MAOA: variants seen among roughly 807,000 people sequenced by gnomAD.
MAOA encodes amine oxidase [flavin-containing] A.
Under a neutral mutation model 42.0 loss-of-function variants are expected in MAOA, and 6 were observed. The ratio of observed to expected loss-of-function variants is 0.14; its 90% CI spans 0.08 to 0.28. The LOEUF (loss-of-function observed/expected upper bound fraction) is 0.28. Among genes scored for constraint, MAOA ranks in the 10% least tolerant of loss-of-function variants. The pLI, the probability that MAOA is intolerant of heterozygous loss-of-function variation, is 1.00. For missense variants in MAOA, 262 were observed against 422.3 expected (o/e 0.62, Z 3.33); for synonymous variants, 140 against 154.0 (o/e 0.91, Z 0.67).
At chrX:43,709,959 G>T (rs1308289785) in intron 3 of MAOA, among the ~76,000 whole-genome samples, 2 of 112,211 alleles carry the variant, frequency 1.8e-5, no homozygotes, top group East Asian at 5.6e-4. Context: ...AAAGTTGGAA[G>T]TTTAAAAATG....
At chrX:43,731,160 G>T in intron 6 of MAOA, 81 bp from the exon 7 acceptor site, 1 of 1,006,445 alleles carries the variant, frequency 9.9e-7, no homozygotes. Context: ...ACTTTCTGGA[G>T]GTTTTCTAAT....
In MAOA at chrX:43,712,111, G is replaced by A. The variant is rs56200747; in HGVS notation, c.411+135G>A. ...ATTTCCCATGTACCCAAACTGCAAA[G>A]TTGGTCGTATTTCCACTTCACAAAT... is the stretch of plus-strand genomic sequence containing the variant. On this transcript the variant is annotated intron_variant, in intron 4 of 14. Transcript: ENST00000338702. 6.0e-3 allele frequency: 3,166 copies of A among 525,438 alleles called. 6 individuals are homozygous for A. The highest frequency in any genetic ancestry group is 7.6e-3 in the Non-Finnish European group (2,335 of 305,671). The allele number at this position is 525,438 out of a possible 1,213,427, so 43.3% of individuals were successfully genotyped here.
chrX:43,671,625 T>G (rs1166360109), intron 1 of MAOA, among the ~76,000 whole-genome samples: 2 of 102,969 alleles, frequency 1.9e-5, no homozygotes, highest in African/African-American at 7.1e-5. Context: ...TTGTATAAGG[T>G]GTAAGGAAGG....
At chrX:43,678,242 G>T (rs1335663640) in intron 1 of MAOA, among the ~76,000 whole-genome samples, 1 of 111,309 alleles carries the variant, frequency 9.0e-6, no homozygotes, top group African/African-American at 3.3e-5. Flanking sequence ...GTGGGGAGTG[G>T]TGAGAAACAG....
rs374848360 is a variant in MAOA at position 43,712,662 on chromosome X, G to A, written c.412-43G>A. ...ATGAGGGCCTTCCCGAGAAGAGGTG[G>A]CAGTTACCATCAAACCTGAGAGGGG... On this transcript the variant is annotated intron_variant, in intron 4 of 14. Coordinates refer to ENST00000338702, the MANE Select transcript of MAOA (RefSeq NM_000240.4). The A allele has an allele frequency of 9.1e-6, 8 of 881,401 alleles. No homozygotes were observed. The African/African-American group carries it at 1.2e-4, about 13-fold the overall frequency. The allele number at this position is 881,401 out of a possible 1,213,427, so 72.6% of individuals were successfully genotyped here.
At chrX:43,698,530 A>G (rs1164961317) in intron 3 of MAOA, among the ~76,000 whole-genome samples, 13 of 112,331 alleles carry the variant, frequency 1.2e-4, no homozygotes, top group Admixed American at 4.7e-4. Context: ...ATAAATATAT[A>G]AGTATTTACA....
intron 3 of MAOA, among the ~76,000 whole-genome samples, chrX:43,707,412 G>A (rs1382661611): frequency 8.9e-6 from 1 of 111,739 alleles, no homozygotes; most frequent in African/African-American, 3.3e-5. Context: ...AGGATATGAA[G>A]GCAATGGGGG....
At chrX:43,675,519 G>C (rs1196316524) in intron 1 of MAOA, among the ~76,000 whole-genome samples, 5 of 112,305 alleles carry the variant, frequency 4.5e-5, no homozygotes, top group South Asian at 7.3e-4. Flanking sequence ...GAGGCACTCT[G>C]CTTTTTAGAG....
intron 3 of MAOA, among the ~76,000 whole-genome samples, chrX:43,702,354 G>A (rs1475221132): frequency 8.9e-6 from 1 of 112,138 alleles, no homozygotes; most frequent in Non-Finnish European, 1.9e-5. Flanking sequence ...TTATAATAAT[G>A]AGAGTGGTTC....
chrX:43,716,619 G>A (rs778686137), intron 5 of MAOA, among the ~76,000 whole-genome samples: 5 of 110,846 alleles, frequency 4.5e-5, no homozygotes, highest in Admixed American at 1.9e-4. Context: ...AATGAGCCAC[G>A]GTGACAGTGG....
rs2033963856 is a variant in MAOA at position 43,742,008 on chromosome X, C to T, written c.1223C>T (p.Thr408Met). The change falls in exon 12 of 15, where the codon ACG becomes ATG. Residue 408 changes from threonine (T) to methionine (M), a missense_variant. By Grantham distance (81) the Thr-to-Met change is moderately conservative. This residue lies in a region of MAOA where 86 missense variants were observed against 190.3 expected (regional missense o/e 0.45). Coordinates refer to ENST00000338702, the MANE Select transcript of MAOA (RefSeq NM_000240.4). The part of the protein sequence containing the change: ...CEEQYSGGCY[T>M]AYFPPGIMTQ... ...GAGCAGTACTCTGGGGGCTGCTACA[C>T]GGCCTACTTCCCTCCTGGGATCATG... 6 of 1,209,960 alleles carry T rather than the reference C, an allele frequency of 5.0e-6. No homozygotes were observed. Among genetic ancestry groups the T allele is most frequent in the South Asian group, 1.8e-5 (1 of 56,782 alleles).
At chrX:43,731,621 AGAT>A in intron 7 of MAOA, 70 bp from the exon 8 acceptor site, 1 of 1,048,176 alleles carries the variant, frequency 9.5e-7, no homozygotes, top group Non-Finnish European at 1.3e-6. Flanking sequence ...GAAGTGATAA[AGAT>A]GATTTTTCAC....
rs964486966 is a variant in MAOA at position 43,745,484 on chromosome X, A to G, written c.*971A>G. On this transcript the variant is annotated 3_prime_UTR_variant, in exon 15 of 15. Transcript: ENST00000338702. Reference sequence around the variant, plus strand: ...AAATTAGACATACCTCTCAACTTACATATGTCTTCAACATGGTTACCTCTG... The same window carrying G: ...AAATTAGACATACCTCTCAACTTACGTATGTCTTCAACATGGTTACCTCTG... 1 of 112,174 alleles carries G rather than the reference A, an allele frequency of 8.9e-6. No individual in the cohort carries two copies. The highest frequency in any genetic ancestry group is 3.2e-5 in the African/African-American group (1 of 30,848). 9.2% of individuals were successfully genotyped at this position (112,174 alleles called of 1,213,427 possible). A position where few individuals can be genotyped will look rare whatever the true frequency, so the allele number is the denominator to read the frequency against.
intron 4 of MAOA, 108 bp from the exon 5 acceptor site, chrX:43,712,597 T>C (rs1416922193): frequency 1.9e-6 from 1 of 540,155 alleles, no homozygotes; most frequent in Non-Finnish European, 3.3e-6. Flanking sequence ...AATCACACAT[T>C]TCAACACAGA....
At chrX:43,658,290 G>A (rs377093629) in intron 1 of MAOA, among the ~76,000 whole-genome samples, 12 of 111,252 alleles carry the variant, frequency 1.1e-4, no homozygotes, top group Non-Finnish European at 2.1e-4. Context: ...CTTAAGGAGC[G>A]CGGTTTTTTT....
chrX:43,705,709 C>T (rs575817445), intron 3 of MAOA, among the ~76,000 whole-genome samples: 19 of 111,691 alleles, frequency 1.7e-4, no homozygotes, highest in East Asian at 1.4e-3. Context: ...AATCATATAT[C>T]TGATAAAGGA....
chrX:43,681,279 A>G (rs1475731777), intron 1 of MAOA, among the ~76,000 whole-genome samples: 1 of 111,560 alleles, frequency 9.0e-6, no homozygotes, highest in Non-Finnish European at 1.9e-5. Context: ...AAACTAAGAA[A>G]TATTTTTTTT....
chrX:43,733,032 C>A (rs1401364201), intron 9 of MAOA, among the ~76,000 whole-genome samples: 1 of 112,230 alleles, frequency 8.9e-6, no homozygotes, highest in African/African-American at 3.2e-5. Context: ...ATGTCTTTCT[C>A]TCATACAAAG....
chrX:43,686,495 G>A (rs2033488477), intron 2 of MAOA, among the ~76,000 whole-genome samples: 1 of 112,468 alleles, frequency 8.9e-6, no homozygotes, highest in South Asian at 3.6e-4. Flanking sequence ...AGAGAAAGAG[G>A]GCTTTAAGAA....
Sources: gnomAD v4.1 joint callset for allele counts (sites outside exome capture counted in the v4.1 genomes callset) on GRCh38, gnomAD v4.1.1 for gene constraint, gnomAD v4.1.1 regional missense constraint, MANE v1.5 for transcripts, NCBI Gene and HGNC (gene_info 2026-07-23, HGNC 2026-07-21) for gene names.